The following DDC variants were observed in gnomAD, a reference collection of about 807,000 sequenced individuals.
The protein encoded by DDC is aromatic-L-amino-acid decarboxylase.
Under a neutral mutation model 60.0 loss-of-function variants are expected in DDC, and 43 were observed. The ratio of observed to expected loss-of-function variants is 0.72; its 90% confidence interval spans 0.56 to 0.92. The LOEUF (loss-of-function observed/expected upper bound fraction) is 0.92, where lower values mean the gene tolerates loss of function less well. DDC is among the 40% of genes least tolerant of loss of function. The pLI is 0.00. For missense variants in DDC, 573 were observed against 620.2 expected (o/e 0.92, Z 0.81); for synonymous variants, 232 against 234.6 (o/e 0.99, Z 0.10).
chr7:50,555,868 C>T (rs1210155934), intron 1 of DDC, among the ~76,000 whole-genome samples: 1 of 152,164 alleles, frequency 6.6e-6, no homozygotes, highest in African/African-American at 2.4e-5. Context: ...CTCCTGAAGG[C>T]ACCTGAGAGA....
chr7:50,488,860 C>T (rs898968296), intron 9 of DDC, among the ~76,000 whole-genome samples: 28 of 152,318 alleles, frequency 1.8e-4, no homozygotes, highest in African/African-American at 6.0e-4. Flanking sequence ...TTTCTCTCCC[C>T]TTCAAGAGGG....
chr7:50,557,317 C>T (rs1018915008), intron 1 of DDC, among the ~76,000 whole-genome samples: 2 of 152,156 alleles, frequency 1.3e-5, no homozygotes, highest in African/African-American at 4.8e-5. Flanking sequence ...CAGTTTTCCT[C>T]CCATGGAAAG....
intron 1 of DDC, chr7:50,564,153 T>A (rs1407370034): frequency 6.6e-6 from 1 of 152,224 alleles, no homozygotes. Context: ...AGCACCAACA[T>A]GTCCCTGGTT....
chr7:50,515,467 A>T (rs1279438927), intron 6 of DDC, among the ~76,000 whole-genome samples: 1 of 152,238 alleles, frequency 6.6e-6, no homozygotes, highest in Admixed American at 6.5e-5. Context: ...TTAAAGCATA[A>T]ATGACACAGG....
intron 11 of DDC, 37 bp downstream of exon 11, chr7:50,476,587 A>C (rs772036384): frequency 6.3e-7 from 1 of 1,590,110 alleles, no homozygotes; most frequent in Admixed American, 1.7e-5. Flanking sequence ...CCAGCACTCC[A>C]CTAGCATTTG....
At chr7:50,549,988 T>C (rs1276940016) in intron 1 of DDC, among the ~76,000 whole-genome samples, 5 of 152,210 alleles carry the variant, frequency 3.3e-5, no homozygotes, top group African/African-American at 1.2e-4. Flanking sequence ...GAATATTACA[T>C]AAACTGAGTT....
At chr7:50,462,567 A>C (rs976140538) in intron 14 of DDC, among the ~76,000 whole-genome samples, 1 of 152,184 alleles carries the variant, frequency 6.6e-6, no homozygotes, top group Non-Finnish European at 1.5e-5. Flanking sequence ...TATTGTTTTC[A>C]TTAGTTCTCT....
At chr7:50,499,329 C>T in intron 7 of DDC, 87 bp from the exon 8 acceptor site, 1 of 850,506 alleles carries the variant, frequency 1.2e-6, no homozygotes, top group Non-Finnish European at 1.9e-6. Flanking sequence ...TGAGCACCTT[C>T]TTGGGTAGAG....
At chr7:50,508,485 C>T (rs1247061910) in intron 6 of DDC, among the ~76,000 whole-genome samples, 3 of 152,198 alleles carry the variant, frequency 2.0e-5, no homozygotes, top group Admixed American at 6.5e-5. Flanking sequence ...TCGCAGGCAT[C>T]GCCCTCTGTG....
chr7:50,463,260 C>T lies in DDC; in HGVS notation c.1414G>A (p.Ala472Thr). ...RAWEHIKELAADVLRAERE is the reference protein window; with the variant it reads ...RAWEHIKELATDVLRAERE ...TCCCTCTCTGCTCGCAGCACGTCGG[C>T]CGCCAGCTCTTTGATGTGTTCCCAG... The change falls in exon 14 of 15, where the codon GCC becomes ACC. Residue 472 changes from alanine (A) to threonine (T), a missense_variant. Ala to Thr is a moderately conservative substitution (Grantham distance 58). Coordinates refer to ENST00000444124, the MANE Select transcript of DDC (RefSeq NM_001082971.2). 11 of 1,614,024 alleles carry T rather than the reference C, an allele frequency of 6.8e-6. No homozygotes were observed. Among genetic ancestry groups the T allele is most frequent in the Non-Finnish European group, 9.3e-6 (11 of 1,179,960 alleles).
At chr7:50,534,728 G>T (rs2044337781) in intron 4 of DDC, among the ~76,000 whole-genome samples, 1 of 152,192 alleles carries the variant, frequency 6.6e-6, no homozygotes, top group South Asian at 2.1e-4. Context: ...TCTTGTAAAG[G>T]GTTAGACCAT....
intron 6 of DDC, among the ~76,000 whole-genome samples, chr7:50,509,586 T>C (rs2043493199): frequency 6.6e-6 from 1 of 152,220 alleles, no homozygotes; most frequent in Non-Finnish European, 1.5e-5. Flanking sequence ...CAGTGGAATC[T>C]GAATTTCACC....
intron 11 of DDC, among the ~76,000 whole-genome samples, chr7:50,474,046 G>A (rs568194089): frequency 1.3e-5 from 2 of 152,314 alleles, no homozygotes; most frequent in African/African-American, 4.8e-5. Flanking sequence ...GGGTGAAAGA[G>A]ACCCAGGTCT....
intron 1 of DDC, among the ~76,000 whole-genome samples, chr7:50,559,671 A>G (rs577482487): frequency 6.6e-6 from 1 of 151,972 alleles, no homozygotes; most frequent in South Asian, 2.1e-4. Context: ...CAGGTGATCC[A>G]CTCGCCTCAG....
chr7:50,460,603 A>T (rs992582858), intron 14 of DDC, among the ~76,000 whole-genome samples: 21 of 151,472 alleles, frequency 1.4e-4, no homozygotes, highest in Non-Finnish European at 2.4e-4. Flanking sequence ...TTTGTGGAAC[A>T]GAAAGGGGGG....
At chr7:50,537,521 A>C (rs1250660354) in intron 4 of DDC, among the ~76,000 whole-genome samples, 1 of 152,256 alleles carries the variant, frequency 6.6e-6, no homozygotes, top group East Asian at 1.9e-4. Flanking sequence ...GCTTAGGCAC[A>C]GTGGCCGGCG....
At chr7:50,541,932 C>A (rs2044645868) in intron 2 of DDC, among the ~76,000 whole-genome samples, 1 of 152,104 alleles carries the variant, frequency 6.6e-6, no homozygotes, top group Non-Finnish European at 1.5e-5. Context: ...TATTTAACAA[C>A]CACGGCCACC....
intron 14 of DDC, among the ~76,000 whole-genome samples, chr7:50,460,669 G>A (rs1176316439): frequency 6.6e-6 from 1 of 151,620 alleles, no homozygotes; most frequent in Non-Finnish European, 1.5e-5. Context: ...GTAGAAAGAG[G>A]TAGACACAGG....
chr7:50,464,875 G>C (rs1231836907), intron 13 of DDC, among the ~76,000 whole-genome samples: 3 of 152,228 alleles, frequency 2.0e-5, no homozygotes, highest in Non-Finnish European at 4.4e-5. Flanking sequence ...CCAGGAGAGA[G>C]TGAGGCCAAG....
Sources: allele counts gnomAD v4.1 joint callset (sites outside exome capture counted in the v4.1 genomes callset), GRCh38; gene constraint gnomAD v4.1.1; transcripts MANE v1.5; gene names NCBI Gene and HGNC (gene_info 2026-07-23, HGNC 2026-07-21).